CDC42BPA: variants seen among roughly 807,000 people sequenced by gnomAD.
CDC42BPA encodes the protein serine/threonine-protein kinase MRCK alpha.
A neutral mutation model predicts 223.5 loss-of-function variants in CDC42BPA; 80 were observed. That is an observed-to-expected ratio of 0.36 (90% CI 0.30 to 0.43). CDC42BPA has a LOEUF of 0.43. CDC42BPA is among the 20% of genes least tolerant of loss of function. CDC42BPA has a pLI of 1.00. For missense variants in CDC42BPA, 1,743 were observed against 2,099.9 expected (o/e 0.83, Z 3.32); for synonymous variants, 694 against 718.6 (o/e 0.97, Z 0.55).
At chr1:226,998,957 A>C (rs1572148935) in intron 35 of CDC42BPA, among the ~76,000 whole-genome samples, 2 of 152,142 alleles carry the variant, frequency 1.3e-5, no homozygotes, top group East Asian at 1.9e-4. Flanking sequence ...AAGAAAAAAA[A>C]CCAACCCCAT....
intron 24 of CDC42BPA, among the ~76,000 whole-genome samples, chr1:227,036,230 T>C (rs905833587): frequency 6.6e-6 from 1 of 152,178 alleles, no homozygotes; most frequent in Admixed American, 6.5e-5. Context: ...TACATATCAC[T>C]GATGGATACT....
At chr1:227,239,179 A>T (rs1312625140) in intron 2 of CDC42BPA, among the ~76,000 whole-genome samples, 1 of 152,236 alleles carries the variant, frequency 6.6e-6, no homozygotes, top group Non-Finnish European at 1.5e-5. Flanking sequence ...TGAACAGGCT[A>T]CATACTGTAT....
At chr1:226,998,264 T>C (rs1662045603) in intron 35 of CDC42BPA, among the ~76,000 whole-genome samples, 1 of 152,198 alleles carries the variant, frequency 6.6e-6, no homozygotes, top group Admixed American at 6.5e-5. Context: ...AAGCTACCAA[T>C]GATTTTCTTC....
chr1:227,122,996 T>C (rs538992915), intron 11 of CDC42BPA, among the ~76,000 whole-genome samples: 1 of 152,078 alleles, frequency 6.6e-6, no homozygotes, highest in Non-Finnish European at 1.5e-5. Context: ...CTAATTATAG[T>C]GAACAAATAG....
chr1:227,290,025 C>CA (rs1689447332), intron 1 of CDC42BPA, among the ~76,000 whole-genome samples: 1 of 151,922 alleles, frequency 6.6e-6, no homozygotes, highest in Non-Finnish European at 1.5e-5. Flanking sequence ...TGAGTGACAG[C>CA]AAGACTCTAC....
chr1:227,203,370 C>T (rs1672121799), intron 3 of CDC42BPA, among the ~76,000 whole-genome samples: 2 of 152,070 alleles, frequency 1.3e-5, no homozygotes, highest in South Asian at 2.1e-4. Flanking sequence ...CTACAATGCA[C>T]ACGACAACCC....
intron 1 of CDC42BPA, among the ~76,000 whole-genome samples, chr1:227,293,411 T>C (rs1324414268): frequency 6.6e-6 from 1 of 152,094 alleles, no homozygotes; most frequent in Non-Finnish European, 1.5e-5. Context: ...ACTTATAATG[T>C]GTTATGAGAA....
Position 227,262,417 on chromosome 1 carries a change from CAG to C in CDC42BPA, c.179-8264_179-8263del, listed in dbSNP as rs957697208. Among the ~76,000 whole-genome samples the C allele has an allele frequency of 2.0e-5, 3 of 151,948 alleles. No individual in the cohort carries two copies. The South Asian group carries it at 6.2e-4, about 32-fold the overall frequency. Reference sequence around the variant, plus strand: ...AATAATTGAAAAACAGGGGAAAGTACAGAGAGAGAATCATACACTCCTCCAAG... The same window carrying C: ...AATAATTGAAAAACAGGGGAAAGTACAGAGAGAATCATACACTCCTCCAAG... On this transcript the variant is annotated intron_variant, in intron 1 of 36. Transcript: ENST00000366766.
intron 35 of CDC42BPA, among the ~76,000 whole-genome samples, chr1:226,998,873 A>C (rs539260855): frequency 6.6e-6 from 1 of 152,352 alleles, no homozygotes; most frequent in African/African-American, 2.4e-5. Context: ...ACAGAATGGG[A>C]GAAAAGTTTT....
At chr1:227,158,322 T>C (rs28531937) in intron 6 of CDC42BPA, among the ~76,000 whole-genome samples, 2,718 of 152,290 alleles carry the variant, frequency 0.018, 84 homozygotes, top group African/African-American at 0.061. Flanking sequence ...AGGCCTCTAC[T>C]GACTGCTTTT....
At chr1:227,034,928 A>G in intron 25 of CDC42BPA, 134 bp from the exon 26 acceptor site, 3 of 688,922 alleles carry the variant, frequency 4.4e-6, no homozygotes, top group Non-Finnish European at 6.8e-6. Flanking sequence ...CTGGTTGGTA[A>G]AGTAGCAGAT....
intron 20 of CDC42BPA, among the ~76,000 whole-genome samples, chr1:227,070,625 A>C (rs907480325): frequency 1.3e-5 from 2 of 151,900 alleles, no homozygotes; most frequent in African/African-American, 4.8e-5. Flanking sequence ...GTATGTTCAG[A>C]AATTCATTCA....
chr1:227,132,265 G>C (rs942108155), intron 10 of CDC42BPA, among the ~76,000 whole-genome samples: 11 of 152,134 alleles, frequency 7.2e-5, no homozygotes, highest in Admixed American at 2.6e-4. Flanking sequence ...TCAGCCTGCC[G>C]AGTGCCTCAG....
At chr1:227,144,924 T>G (rs548327927) in intron 8 of CDC42BPA, among the ~76,000 whole-genome samples, 2 of 152,326 alleles carry the variant, frequency 1.3e-5, no homozygotes, top group Admixed American at 1.3e-4. Context: ...TCCTGGAATC[T>G]GCCCTCTGTA....
intron 14 of CDC42BPA, among the ~76,000 whole-genome samples, chr1:227,107,278 T>G (rs1308533928): frequency 6.6e-6 from 1 of 152,216 alleles, no homozygotes; most frequent in Non-Finnish European, 1.5e-5. Flanking sequence ...AGGGATTTTA[T>G]TCCTTTAGAT....
chr1:227,004,131 G>T (rs1479443673), intron 35 of CDC42BPA: 1 of 151,598 alleles, frequency 6.6e-6, no homozygotes, highest in Non-Finnish European at 1.5e-5. Context: ...CTTAAACGGT[G>T]GTAAATGGGA....
At chr1:227,106,835 A>G (rs1173095714) in intron 14 of CDC42BPA, among the ~76,000 whole-genome samples, 3 of 152,178 alleles carry the variant, frequency 2.0e-5, no homozygotes, top group Non-Finnish European at 2.9e-5. Context: ...TCCCCATTGA[A>G]TGGACTTAGT....
intron 5 of CDC42BPA, among the ~76,000 whole-genome samples, chr1:227,187,676 CCCA>C (rs372546453): frequency 0.085 from 590 of 6,958 alleles, 5 homozygotes; most frequent in Middle Eastern, 0.12. Flanking sequence ...AATGGCACCC[CCCA>C]CCCCCCCCCC....
At chr1:227,174,314 T>C (rs964349468) in intron 5 of CDC42BPA, among the ~76,000 whole-genome samples, 16 of 152,214 alleles carry the variant, frequency 1.1e-4, no homozygotes, top group African/African-American at 3.9e-4. Context: ...TGAGAGAATT[T>C]TGAGTAAGCC....
Sources: allele counts gnomAD v4.1 joint callset (sites outside exome capture counted in the v4.1 genomes callset), GRCh38; gene constraint gnomAD v4.1.1; transcripts MANE v1.5; gene names NCBI Gene and HGNC (gene_info 2026-07-23, HGNC 2026-07-21).